PFKFB3: variants seen among roughly 807,000 people sequenced by gnomAD.
PFKFB3 encodes 6-phosphofructo-2-kinase/fructose-2,6-biphosphatase 3.
In PFKFB3, 33 loss-of-function variants were observed where a neutral mutation model predicts 68.0. The ratio of observed to expected loss-of-function variants is 0.49; its 90% confidence interval spans 0.37 to 0.65. The LOEUF (loss-of-function observed/expected upper bound fraction) is 0.65. PFKFB3 is among the 30% of genes least tolerant of loss of function. The pLI, the probability that PFKFB3 is intolerant of heterozygous loss-of-function variation, is 0.00. For missense variants in PFKFB3, 586 were observed against 712.2 expected, an observed-to-expected ratio of 0.82 and a Z score of 2.02; for synonymous variants, 315 against 288.2, an observed-to-expected ratio of 1.09 and a Z score of -0.94.
chr10:6,166,976 T>C (rs1319253970), intron 1 of PFKFB3, among the ~76,000 whole-genome samples: 3 of 152,132 alleles, frequency 2.0e-5, no homozygotes, highest in African/African-American at 4.8e-5. Flanking sequence ...ATTACAGGCA[T>C]GCACCACCAT....
chr10:6,257,750 T>C (rs1451274501), downstream of PFKFB3, among the ~76,000 whole-genome samples: 1 of 152,070 alleles, frequency 6.6e-6, no homozygotes, highest in African/African-American at 2.4e-5. Context: ...GAAGAGTTCC[T>C]AGGACAACCT....
chr10:6,292,278 C>CTTTTTTTTT, the PFKFB3 span, among the ~76,000 whole-genome samples: 10 of 54,280 alleles, frequency 1.8e-4, no homozygotes, highest in Non-Finnish European at 2.2e-4. Context: ...TTTTTTTTTT[C>CTTTTTTTTT]TTTTTTTTTT....
chr10:6,153,589 C>T (rs1047753402), intron 1 of PFKFB3, among the ~76,000 whole-genome samples: 3 of 152,194 alleles, frequency 2.0e-5, no homozygotes, highest in African/African-American at 4.8e-5. Flanking sequence ...CGAGGTGGCT[C>T]ACACCTCTAA....
chr10:6,267,832 G>GTA, the PFKFB3 span, among the ~76,000 whole-genome samples: 3 of 151,730 alleles, frequency 2.0e-5, no homozygotes, highest in East Asian at 5.8e-4. Flanking sequence ...GCGGGCGCCT[G>GTA]TAGTCCCAGC....
chr10:6,301,979 C>A, the PFKFB3 span, among the ~76,000 whole-genome samples: 1 of 152,136 alleles, frequency 6.6e-6, no homozygotes, highest in African/African-American at 2.4e-5. Context: ...CACTTCCTAA[C>A]AGGAGGAAAC....
At chr10:6,168,498 G>T in intron 1 of PFKFB3, among the ~76,000 whole-genome samples, 1 of 152,304 alleles carries the variant, frequency 6.6e-6, no homozygotes, top group South Asian at 2.1e-4. Context: ...GGATTAACAC[G>T]AGCAGCTAAG....
At chr10:6,321,140 T>C in the PFKFB3 span, among the ~76,000 whole-genome samples, 1 of 152,212 alleles carries the variant, frequency 6.6e-6, no homozygotes, top group Non-Finnish European at 1.5e-5. Context: ...CCTGGTGGTC[T>C]CTGTGGGACA....
chr10:6,297,607 T>G, the PFKFB3 span, among the ~76,000 whole-genome samples: 1 of 152,250 alleles, frequency 6.6e-6, no homozygotes, highest in East Asian at 1.9e-4. Flanking sequence ...AGGAGCAAGA[T>G]GTCCCCATGA....
chr10:6,269,442 C>T, the PFKFB3 span, among the ~76,000 whole-genome samples: 1 of 152,140 alleles, frequency 6.6e-6, no homozygotes, highest in Non-Finnish European at 1.5e-5. Flanking sequence ...TACAGGTATG[C>T]ACCACTGCAC....
the PFKFB3 span, among the ~76,000 whole-genome samples, chr10:6,261,868 A>G: frequency 6.6e-6 from 1 of 152,012 alleles, no homozygotes; most frequent in South Asian, 2.1e-4. Context: ...CATGGCACAC[A>G]TCGGTAGTCC....
chr10:6,226,281 C>T lies in PFKFB3; in HGVS notation c.1431C>T (p.Asn477=). The change falls in exon 14 of 15, where the codon AAC becomes AAT. Residue 477 remains asparagine, a synonymous_variant. Transcript: ENST00000379775. ...SPEPTKKPRI[N]SFEEHVASTS... The stretch of plus-strand genomic sequence containing the variant: ...AACCCACCAAAAAGCCTCGCATCAA[C>T]AGCTTTGAGGAGCATGTGGCCTCCA... 1 of 1,614,176 alleles carries T rather than the reference C, an allele frequency of 6.2e-7. No individual in the cohort carries two copies. Among genetic ancestry groups the T allele is most frequent in the Non-Finnish European group, 8.5e-7 (1 of 1,180,004 alleles).
the PFKFB3 span, among the ~76,000 whole-genome samples, chr10:6,317,875 C>G: frequency 1.3e-5 from 2 of 152,216 alleles, no homozygotes; most frequent in South Asian, 2.1e-4. Context: ...TGCGCAAAGA[C>G]TGCGTATTCT....
chr10:6,306,207 CCT>C, the PFKFB3 span, among the ~76,000 whole-genome samples: 3 of 152,140 alleles, frequency 2.0e-5, no homozygotes, highest in African/African-American at 7.2e-5. Flanking sequence ...CCTTCTCATT[CCT>C]CTTATTCTGA....
At chr10:6,307,326 G>A in the PFKFB3 span, among the ~76,000 whole-genome samples, 8 of 84,136 alleles carry the variant, frequency 9.5e-5, no homozygotes, top group African/African-American at 2.0e-4. Context: ...ACATGCATGC[G>A]TACTACACAC....
chr10:6,201,568 TGGGGCGGGCGCGC>T (rs1442467337), upstream of PFKFB3, among the ~76,000 whole-genome samples: 7 of 135,958 alleles, frequency 5.1e-5, no homozygotes, highest in South Asian at 2.3e-4. The surrounding 1 kb of genome is among the most constrained non-coding windows in gnomAD (Gnocchi z 4.1). Flanking sequence ...GAGGCCCGGG[TGGGGCGGGCGCGC>T]GGGGCGGGAG....
intron 1 of PFKFB3, among the ~76,000 whole-genome samples, chr10:6,151,973 TA>T (rs71294421): frequency 0.05 from 7,034 of 141,302 alleles, 224 homozygotes; most frequent in Admixed American, 0.11. Context: ...ACTGGGGAGC[TA>T]AAAAAAAAAA....
At chr10:6,225,018 G>C in intron 13 of PFKFB3, 1 of 422,178 alleles carries the variant, frequency 2.4e-6, no homozygotes, top group Non-Finnish European at 4.8e-6. Flanking sequence ...AGGAGACCTC[G>C]AGGCCTGGCC....
At chr10:6,209,185 G>A (rs1020439891) in intron 1 of PFKFB3, among the ~76,000 whole-genome samples, 2 of 152,190 alleles carry the variant, frequency 1.3e-5, no homozygotes, top group African/African-American at 4.8e-5. Flanking sequence ...ACGTGGCCAT[G>A]GTTGTAACCA....
the PFKFB3 span, among the ~76,000 whole-genome samples, chr10:6,270,138 A>G: frequency 6.6e-6 from 1 of 152,122 alleles, no homozygotes; most frequent in South Asian, 2.1e-4. Context: ...CGTCTCAAAA[A>G]CAAACAAACA....
Sources: gnomAD v4.1 joint callset for allele counts (sites outside exome capture counted in the v4.1 genomes callset) on GRCh38, gnomAD v4.1.1 for gene constraint, Gnocchi (gnomAD v3.1) non-coding constraint, MANE v1.5 for transcripts, NCBI Gene and HGNC (gene_info 2026-07-23, HGNC 2026-07-21) for gene names.